TPCN2: variants seen among roughly 807,000 people sequenced by gnomAD.
The protein encoded by TPCN2 is two pore channel protein 2.
Under a neutral mutation model 111.4 loss-of-function variants are expected in TPCN2, and 92 were observed. The ratio of observed to expected loss-of-function variants is 0.83; its 90% CI spans 0.70 to 0.98. TPCN2 has a LOEUF of 0.98. Among genes scored for constraint, TPCN2 ranks in the 50% least tolerant of loss-of-function variants. The pLI is 0.00. For missense variants in TPCN2, 995 were observed against 980.1 expected, an observed-to-expected ratio of 1.02 and a Z score of -0.20; for synonymous variants, 405 against 414.5, an observed-to-expected ratio of 0.98 and a Z score of 0.28.
chr11:69,068,212 C>T (rs888933439), intron 8 of TPCN2, among the ~76,000 whole-genome samples: 3 of 152,214 alleles, frequency 2.0e-5, no homozygotes, highest in African/African-American at 7.2e-5. Flanking sequence ...TTTCATCTTG[C>T]GGACCCTGAG....
At position 69,054,771 on chromosome 11, in the gene TPCN2, A is replaced by G. The variant is rs768681586; in HGVS notation, c.225A>G (p.Arg75=). Residue 75 remains arginine (R), a synonymous_variant, in exon 3 of 25, where the codon CGA becomes CGG. Transcript: ENST00000294309. ...RVDASSMWLY[R]RYYSNVCQRT... is the part of the protein sequence containing the mutation. ...ATGCCAGCTCGATGTGGCTTTACCG[A>G]CGGTATTACTCGAACGTATGCCAAC... is the stretch of plus-strand genomic sequence containing the variant. 1 of 1,613,982 alleles carries G rather than the reference A, an allele frequency of 6.2e-7. No homozygotes were observed. Among genetic ancestry groups the G allele is most frequent in the Non-Finnish European group, 8.5e-7 (1 of 1,180,004 alleles).
chr11:69,088,047 C>A lies in TPCN2; in HGVS notation c.*94C>A. 1 of 1,148,816 alleles carries A rather than the reference C, an allele frequency of 8.7e-7. No individual in the cohort carries two copies. The highest frequency in any genetic ancestry group is 1.2e-6 in the Non-Finnish European group (1 of 813,980). The allele number at this position is 1,148,816 out of a possible 1,614,324, so 71.2% of individuals were successfully genotyped here. On this transcript the variant is annotated 3_prime_UTR_variant, in exon 25 of 25. Coordinates refer to ENST00000294309, the MANE Select transcript of TPCN2 (RefSeq NM_139075.4). ...AAGAGGCGGCCATGCTGTGGCCAGC[C>A]AGGCAGGAAGAGACCTTTCCTCTGA...
chr11:69,050,779 C>G (rs980498262), intron 1 of TPCN2, among the ~76,000 whole-genome samples: 1 of 152,252 alleles, frequency 6.6e-6, no homozygotes, highest in African/African-American at 2.4e-5. Context: ...GTCCTCAGCA[C>G]AGGGCCCGGC....
rs1856399463 is a variant in TPCN2 at position 69,090,562 on chromosome 11, A to T, written c.*2609A>T. On this transcript the variant is annotated 3_prime_UTR_variant, in exon 25 of 25. Coordinates refer to ENST00000294309, the MANE Select transcript of TPCN2 (RefSeq NM_139075.4). ...TACATGCTGCTGAGGGTCCTGCCTCATTAAGATGCAATAAATATGTAAGTA... is the reference window on the plus strand; with the variant it reads ...TACATGCTGCTGAGGGTCCTGCCTCTTTAAGATGCAATAAATATGTAAGTA... The T allele has an allele frequency of 6.6e-6, 1 of 152,228 alleles. No individual in the cohort carries two copies. The allele number at this position is 152,228 out of a possible 1,614,324, so 9.4% of individuals were successfully genotyped here.
chr11:69,069,071 G>C (rs1233357828), intron 8 of TPCN2, among the ~76,000 whole-genome samples: 11 of 93,078 alleles, frequency 1.2e-4, no homozygotes, highest in South Asian at 3.2e-4. Context: ...TGAGTCCTAG[G>C]AAGTGACCAC....
At chr11:69,061,543 G>A (rs1057340425) in intron 5 of TPCN2, among the ~76,000 whole-genome samples, 3 of 152,320 alleles carry the variant, frequency 2.0e-5, no homozygotes, top group African/African-American at 7.2e-5. Context: ...GAGAGGAGGT[G>A]GGGGCAGGGT....
intron 11 of TPCN2, 66 bp from the exon 12 acceptor site, chr11:69,072,561 C>A: frequency 1.3e-6 from 2 of 1,553,038 alleles, no homozygotes. Flanking sequence ...GGCAGGAGGA[C>A]CCAGGCCAGG....
intron 7 of TPCN2, 34 bp downstream of exon 7, chr11:69,064,001 GC>G (rs1855147141): frequency 1.3e-6 from 2 of 1,596,916 alleles, no homozygotes; most frequent in South Asian, 2.2e-5. Context: ...TGGGAATGGG[GC>G]TGCCCTGTGC....
chr11:69,082,882 G>A lies in TPCN2; in HGVS notation c.1690-1063G>A, dbSNP rs541566516. 1.3e-5 allele frequency among the ~76,000 whole-genome samples: 2 copies of A among 150,606 alleles called. 1 individual carries two copies. Among genetic ancestry groups the A allele is most frequent in the Admixed American group, 1.3e-4 (2 of 15,202 alleles). ...TCGTGCCCGGATAAGACGCATGATC[G>A]TGTGTGCACACATCGCGTGCAGATA... On this transcript the variant is annotated intron_variant, in intron 18 of 24. Coordinates refer to ENST00000294309, the MANE Select transcript of TPCN2 (RefSeq NM_139075.4).
intron 5 of TPCN2, among the ~76,000 whole-genome samples, chr11:69,058,575 G>A (rs1296587728): frequency 6.6e-6 from 1 of 152,256 alleles, no homozygotes; most frequent in Non-Finnish European, 1.5e-5. Context: ...CCTAGTGAGT[G>A]CATCTCCTGT....
At chr11:69,063,868 C>T in intron 6 of TPCN2, 27 bp from the exon 7 acceptor site, 1 of 1,611,952 alleles carries the variant, frequency 6.2e-7, no homozygotes, top group Non-Finnish European at 8.5e-7. Context: ...CCGCCTGGCC[C>T]AGGCTGAGTG....
intron 6 of TPCN2, 78 bp downstream of exon 6, chr11:69,063,068 C>A (rs1318592571): frequency 7.7e-7 from 1 of 1,299,130 alleles, no homozygotes; most frequent in Non-Finnish European, 1.1e-6. Context: ...GCGGGTGGGG[C>A]CCACCGGAGT....
At chr11:69,064,094 C>A in intron 7 of TPCN2, 127 bp downstream of exon 7, 1 of 892,802 alleles carries the variant, frequency 1.1e-6, no homozygotes, top group Non-Finnish European at 1.8e-6. Flanking sequence ...ATAGCAGTGG[C>A]CCATCTGGGG....
In TPCN2 at chr11:69,067,610, G is replaced by A. The variant is rs758312782; in HGVS notation, c.829+5G>A. ...CCACGGCCAACAACCCCGATGGTGCGTGCAGGGCCAGGGAGGGACCGTGGG... is the reference window on the plus strand; with the variant it reads ...CCACGGCCAACAACCCCGATGGTGCATGCAGGGCCAGGGAGGGACCGTGGG... On this transcript the variant is annotated splice_donor_5th_base_variant and intron_variant, in intron 8 of 24. Coordinates refer to ENST00000294309, the MANE Select transcript of TPCN2 (RefSeq NM_139075.4). 19 of 1,613,372 alleles carry A rather than the reference G, an allele frequency of 1.2e-5. 1 individual carries two copies. In the South Asian group the frequency reaches 1.5e-4, roughly 13 times the overall value.
chr11:69,072,561 C>T, intron 11 of TPCN2, 66 bp from the exon 12 acceptor site: 2 of 1,553,042 alleles, frequency 1.3e-6, no homozygotes, highest in Non-Finnish European at 1.8e-6. Flanking sequence ...GGCAGGAGGA[C>T]CCAGGCCAGG....
At chr11:69,055,071 G>A in intron 3 of TPCN2, 104 bp from the exon 4 acceptor site, 1 of 1,263,298 alleles carries the variant, frequency 7.9e-7, no homozygotes. Flanking sequence ...TCCACGCTCA[G>A]GCAGCGCCAA....
At chr11:69,087,648 G>A (rs1233075583) in intron 24 of TPCN2, among the ~76,000 whole-genome samples, 4 of 152,152 alleles carry the variant, frequency 2.6e-5, no homozygotes, top group Non-Finnish European at 5.9e-5. Context: ...CAAGCCCTGC[G>A]GTCCTGCCAG....
chr11:69,082,932 A>G (rs1045106268), intron 18 of TPCN2, among the ~76,000 whole-genome samples: 8 of 150,792 alleles, frequency 5.3e-5, no homozygotes, highest in Non-Finnish European at 7.4e-5. Context: ...TGCCCGTGTA[A>G]GATGCATGAT....
At position 69,085,268 on chromosome 11, in the gene TPCN2, C is replaced by T. The variant is rs780322237; in HGVS notation, c.1820C>T (p.Ala607Val). The change falls in exon 20 of 25, where the codon GCT (alanine) becomes GTT (valine). Residue 607 changes from alanine to valine, a missense_variant. Ala to Val is a moderately conservative substitution (Grantham distance 64). Transcript: ENST00000294309. ...AACTTGTTTAGAGGCGTCATTGTGG[C>T]TCTTCCTGGAAACAGCAGGTGAGGT... ...GINLFRGVIV[A>V]LPGNSSLAPA... The T allele has an allele frequency of 1.2e-6, 2 of 1,609,412 alleles. No individual in the cohort carries two copies. Among genetic ancestry groups the T allele is most frequent in the South Asian group, 1.1e-5 (1 of 90,980 alleles).
Sources: allele counts gnomAD v4.1 joint callset (sites outside exome capture counted in the v4.1 genomes callset), GRCh38; gene constraint gnomAD v4.1.1; transcripts MANE v1.5; gene names NCBI Gene and HGNC (gene_info 2026-07-23, HGNC 2026-07-21).